The following TBCK variants were observed in gnomAD, a reference collection of about 807,000 sequenced individuals.
TBCK encodes TBC domain-containing protein kinase-like protein.
A neutral mutation model predicts 113.4 loss-of-function variants in TBCK; 99 were observed. The observed-to-expected ratio is 0.87, with a 90% confidence interval of 0.74 to 1.03. The LOEUF is 1.03. TBCK is among the 50% of genes least tolerant of loss of function. The pLI is 0.00. For missense variants in TBCK, 1,045 were observed against 1,061.3 expected, an observed-to-expected ratio of 0.98 and a Z score of 0.21; for synonymous variants, 369 against 370.8, an observed-to-expected ratio of 1.00 and a Z score of 0.05.
intron 23 of TBCK, among the ~76,000 whole-genome samples, chr4:106,123,720 T>C (rs2149594608): frequency 1.3e-5 from 2 of 152,102 alleles, no homozygotes; most frequent in East Asian, 3.9e-4. Context: ...ACCTGATCTT[T>C]GACAAACCTG....
intron 25 of TBCK, among the ~76,000 whole-genome samples, chr4:106,094,322 G>A (rs1740667441): frequency 6.6e-6 from 1 of 152,114 alleles, no homozygotes; most frequent in Non-Finnish European, 1.5e-5. Context: ...GAATTGAATG[G>A]AGGAATTATA....
chr4:106,101,940 A>G lies in TBCK; in HGVS notation c.2412-6299T>C, dbSNP rs528417681. 6.6e-5 allele frequency among the ~76,000 whole-genome samples: 10 copies of G among 152,348 alleles called. No individual in the cohort carries two copies. In the South Asian group the frequency reaches 8.3e-4, roughly 13 times the overall value. ...CTGAAATTCATGTCACTACATGAAA[A>G]CATTTTCTATTGCCTCCTTATAAAA... is the stretch of plus-strand genomic sequence containing the variant. On this transcript the variant is annotated intron_variant, in intron 24 of 25. Coordinates refer to ENST00000394708, the MANE Select transcript of TBCK (RefSeq NM_001163435.3).
intron 24 of TBCK, among the ~76,000 whole-genome samples, chr4:106,100,611 T>C (rs1447253925): frequency 6.6e-6 from 1 of 152,206 alleles, no homozygotes; most frequent in East Asian, 1.9e-4. Context: ...AATCCTAATT[T>C]TGCCTGCAAG....
At chr4:106,129,436 C>T (rs1293383339) in intron 23 of TBCK, among the ~76,000 whole-genome samples, 1 of 152,122 alleles carries the variant, frequency 6.6e-6, no homozygotes, top group African/African-American at 2.4e-5. Flanking sequence ...TAATGGCTTA[C>T]AGCTAGATGA....
At chr4:106,275,845 C>T (rs1314295078) in intron 3 of TBCK, among the ~76,000 whole-genome samples, 1 of 151,858 alleles carries the variant, frequency 6.6e-6, no homozygotes, top group Non-Finnish European at 1.5e-5. Context: ...CAGTTCTTTC[C>T]AAATTGATCC....
chr4:106,148,439 C>T (rs781447702), intron 23 of TBCK, among the ~76,000 whole-genome samples: 39 of 152,116 alleles, frequency 2.6e-4, no homozygotes, highest in South Asian at 8.3e-4. Flanking sequence ...AACCAGCTGA[C>T]GCTTAGGGAA....
intron 23 of TBCK, among the ~76,000 whole-genome samples, chr4:106,157,566 T>A (rs544450434): frequency 6.6e-6 from 1 of 152,218 alleles, no homozygotes; most frequent in South Asian, 2.1e-4. Flanking sequence ...GGTTTAAATA[T>A]CTTCTCTGAG....
At chr4:106,102,328 C>T (rs1741653182) in intron 24 of TBCK, among the ~76,000 whole-genome samples, 3 of 152,138 alleles carry the variant, frequency 2.0e-5, no homozygotes, top group Admixed American at 6.5e-5. Context: ...TTGTCTCCTA[C>T]AATCACAAAA....
intron 23 of TBCK, among the ~76,000 whole-genome samples, chr4:106,167,672 G>C (rs568102420): frequency 4.6e-5 from 7 of 151,570 alleles, no homozygotes. Context: ...TAGCAGAAAT[G>C]AAAGAGATCT....
At chr4:106,256,331 G>A (rs561889155) in intron 5 of TBCK, among the ~76,000 whole-genome samples, 138 of 152,208 alleles carry the variant, frequency 9.1e-4, no homozygotes, top group Non-Finnish European at 1.5e-3. Context: ...GCGCCTGCCC[G>A]CCAGCACTGA....
chr4:106,128,504 T>C (rs1745492616), intron 23 of TBCK, among the ~76,000 whole-genome samples: 1 of 152,136 alleles, frequency 6.6e-6, no homozygotes, highest in Non-Finnish European at 1.5e-5. Flanking sequence ...AGCTTTTCTA[T>C]ACAGCAGCAG....
intron 1 of TBCK, chr4:106,310,605 TC>T (rs1768095471): frequency 6.6e-6 from 1 of 152,198 alleles, no homozygotes; most frequent in Non-Finnish European, 1.5e-5. Flanking sequence ...AAGAGCAAAC[TC>T]CTCACAATTC....
chr4:106,079,397 A>T (rs1318575980), intron 25 of TBCK, among the ~76,000 whole-genome samples: 1 of 152,236 alleles, frequency 6.6e-6, no homozygotes, highest in Non-Finnish European at 1.5e-5. Flanking sequence ...TTCTTCACAG[A>T]TGATATGATT....
At chr4:106,272,713 T>C (rs536861953) in intron 3 of TBCK, among the ~76,000 whole-genome samples, 2 of 151,966 alleles carry the variant, frequency 1.3e-5, no homozygotes, top group East Asian at 3.9e-4. Flanking sequence ...GCCAGGATGG[T>C]CTCAATCTCC....
At chr4:106,219,433 TAAG>T (rs1757409376) in intron 19 of TBCK, among the ~76,000 whole-genome samples, 1 of 150,866 alleles carries the variant, frequency 6.6e-6, no homozygotes, top group Non-Finnish European at 1.5e-5. Flanking sequence ...AAAAAAGACA[TAAG>T]AATACCATGT....
At chr4:106,289,654 G>A (rs1300457684) in intron 3 of TBCK, among the ~76,000 whole-genome samples, 1 of 151,696 alleles carries the variant, frequency 6.6e-6, no homozygotes, top group Non-Finnish European at 1.5e-5. Context: ...TGTAGTCCCA[G>A]CTGCTCAGGA....
chr4:106,272,339 G>A (rs951889783), intron 3 of TBCK, among the ~76,000 whole-genome samples: 4 of 152,018 alleles, frequency 2.6e-5, no homozygotes, highest in African/African-American at 7.3e-5. Flanking sequence ...GTTTCTTAAT[G>A]TGTGTATAGC....
intron 24 of TBCK, among the ~76,000 whole-genome samples, chr4:106,106,794 G>A (rs560691460): frequency 6.6e-6 from 1 of 152,146 alleles, no homozygotes; most frequent in African/African-American, 2.4e-5. Flanking sequence ...ATATCAATAT[G>A]AACCTTGAAT....
chr4:106,310,296 A>G (rs1378344764), intron 1 of TBCK: 1 of 152,216 alleles, frequency 6.6e-6, no homozygotes, highest in Non-Finnish European at 1.5e-5. Context: ...AACAAAATAT[A>G]TAAGGAAGAG....
Sources: gnomAD v4.1 joint callset for allele counts (sites outside exome capture counted in the v4.1 genomes callset) on GRCh38, gnomAD v4.1.1 for gene constraint, MANE v1.5 for transcripts, NCBI Gene and HGNC (gene_info 2026-07-23, HGNC 2026-07-21) for gene names.